The following TMCC1 variants were observed in gnomAD, a reference collection of about 807,000 sequenced individuals.
The protein encoded by TMCC1 is transmembrane and coiled-coil domain family 1.
A neutral mutation model predicts 52.4 loss-of-function variants in TMCC1; 15 were observed. The observed-to-expected ratio is 0.29, with a 90% CI of 0.19 to 0.44. TMCC1 has a LOEUF of 0.44. Ranked by LOEUF, TMCC1 falls within the 20% of genes least tolerant of loss-of-function variation. The pLI is 1.00. For missense variants in TMCC1, 503 were observed against 806.0 expected (o/e 0.62, Z 4.55); for synonymous variants, 279 against 301.9 (o/e 0.92, Z 0.79).
chr3:129,812,600 C>T (rs544562402), intron 4 of TMCC1, among the ~76,000 whole-genome samples: 61 of 151,872 alleles, frequency 4.0e-4, no homozygotes, highest in African/African-American at 1.4e-3. Flanking sequence ...TACCCGACCT[C>T]GCCCCAAAAA....
chr3:129,731,212 G>A (rs1193303301), intron 4 of TMCC1, among the ~76,000 whole-genome samples: 6 of 152,186 alleles, frequency 3.9e-5, no homozygotes, highest in Admixed American at 3.9e-4. Context: ...GCCCAGAGAA[G>A]CAAAACCACA....
intron 4 of TMCC1, among the ~76,000 whole-genome samples, chr3:129,765,136 T>C (rs1560368668): frequency 1.3e-5 from 1 of 77,666 alleles, no homozygotes; most frequent in Non-Finnish European, 4.8e-5. Flanking sequence ...TTTCAAATAC[T>C]CAAAAAAAAA....
At chr3:129,826,941 T>C (rs774229894) in intron 4 of TMCC1, among the ~76,000 whole-genome samples, 2 of 152,196 alleles carry the variant, frequency 1.3e-5, no homozygotes, top group Non-Finnish European at 1.5e-5. Flanking sequence ...TGCATATCTG[T>C]TAAAAATCAA....
chr3:129,843,402 CAAAA>C (rs1221703123), intron 2 of TMCC1, among the ~76,000 whole-genome samples: 1 of 151,448 alleles, frequency 6.6e-6, no homozygotes, highest in East Asian at 1.9e-4. Context: ...ACAAAACTGA[CAAAA>C]GAAACACAAT....
In TMCC1 at chr3:129,651,499, G is replaced by C. The variant is rs114782689; in HGVS notation, c.1944C>G (p.Phe648Leu). 201 of 1,613,886 alleles carry C rather than the reference G, an allele frequency of 1.2e-4. 3 individuals are homozygous for C. In the East Asian group the frequency reaches 4.5e-3, roughly 36 times the overall value. ...GCCAGCATCATCTAGGGGATGAAAA[G>C]AACCGTTCCACATAGCTGAAGAGGG... is the stretch of plus-strand genomic sequence containing the variant. Reference protein sequence around the residue: ...WDALFSYVERFFSSPR With the variant: ...WDALFSYVERLFSSPR The change falls in exon 7 of 7, where the codon TTC becomes TTG. Residue 648 changes from phenylalanine to leucine, a missense_variant. By Grantham distance (22) the Phe-to-Leu change is conservative. This residue lies in a region of TMCC1 where 50 missense variants were observed against 62.6 expected (regional missense o/e 0.80). Coordinates refer to ENST00000393238, the MANE Select transcript of TMCC1 (RefSeq NM_001017395.5). This position sits in a 1 kb window ranked among gnomAD's most constrained non-coding sequence, Gnocchi z 5.1.
chr3:129,818,424 TTAAAGAAA>T lies in TMCC1; in HGVS notation c.576+9371_576+9378del, dbSNP rs1176478678. ...TCTAAGAAACTTTTAAAGAAAAGTT[TTAAAGAAA>T]CTTTTAAAGAAAAGTTTTAAAGAAA... On this transcript the variant is annotated intron_variant, in intron 4 of 6. Coordinates refer to ENST00000393238, the MANE Select transcript of TMCC1 (RefSeq NM_001017395.5). 2.7e-3 allele frequency among the ~76,000 whole-genome samples: 401 copies of T among 147,336 alleles called. 6 individuals are homozygous for T. The highest frequency in any genetic ancestry group is 7.5e-3 in the African/African-American group (299 of 40,038).
chr3:129,782,302 G>T (rs1439333624), intron 4 of TMCC1, among the ~76,000 whole-genome samples: 4 of 152,182 alleles, frequency 2.6e-5, no homozygotes, highest in South Asian at 2.1e-4. Context: ...CAAAGGACAG[G>T]ATGATAATGA....
chr3:129,819,062 A>C (rs1268478009), intron 4 of TMCC1: 2 of 152,550 alleles, frequency 1.3e-5, no homozygotes, highest in East Asian at 3.9e-4. Flanking sequence ...TAGAATGTGA[A>C]AGGTTCTCAT....
At chr3:129,853,109 A>G (rs1436116930) in intron 2 of TMCC1, among the ~76,000 whole-genome samples, 1 of 152,220 alleles carries the variant, frequency 6.6e-6, no homozygotes, top group Admixed American at 6.5e-5. Context: ...TTCTTTGGTT[A>G]AAACTGGGGT....
intron 4 of TMCC1, among the ~76,000 whole-genome samples, chr3:129,673,783 A>T (rs1234543312): frequency 6.6e-6 from 1 of 152,042 alleles, no homozygotes; most frequent in Non-Finnish European, 1.5e-5. Flanking sequence ...CCTGGGAAGC[A>T]GAGGTTGCAG....
At chr3:129,719,356 A>T (rs2049377073) in intron 4 of TMCC1, among the ~76,000 whole-genome samples, 1 of 152,178 alleles carries the variant, frequency 6.6e-6, no homozygotes, top group East Asian at 1.9e-4. Flanking sequence ...CCCTTCCCAT[A>T]TGCCTTGCCT....
Position 129,893,598 on chromosome 3 carries a change from AC to A in TMCC1, c.-540del, listed in dbSNP as rs896683074. 2.8e-5 allele frequency: 4 copies of A among 141,332 alleles called. No homozygotes were observed. The highest frequency in any genetic ancestry group is 2.8e-4 in the Admixed American group (4 of 14,446). 8.8% of individuals were successfully genotyped at this position (141,332 alleles called of 1,614,324 possible). On this transcript the variant is annotated 5_prime_UTR_variant, in exon 1 of 7. Coordinates refer to ENST00000393238, the MANE Select transcript of TMCC1 (RefSeq NM_001017395.5). The stretch of plus-strand genomic sequence containing the variant: ...CGCCGCACCCGGTCCATCCCCCACA[AC>A]CACCCCCCCCTCCCGACCCTCCCCC...
chr3:129,726,898 A>AAAAAAAAAAAAAG (rs2050149290), intron 4 of TMCC1, among the ~76,000 whole-genome samples: 1 of 141,356 alleles, frequency 7.1e-6, no homozygotes, highest in Admixed American at 7.1e-5. Flanking sequence ...AAAAAAAAAA[A>AAAAAAAAAAAAAG]GAACCACTGT....
At chr3:129,802,188 A>G (rs1404982883) in intron 4 of TMCC1, among the ~76,000 whole-genome samples, 2 of 152,230 alleles carry the variant, frequency 1.3e-5, no homozygotes, top group East Asian at 1.9e-4. Context: ...CATAAACTGT[A>G]AAGTTGGGTT....
At chr3:129,716,492 A>G (rs1024108264) in intron 4 of TMCC1, among the ~76,000 whole-genome samples, 147 of 141,848 alleles carry the variant, frequency 1.0e-3, no homozygotes, top group African/African-American at 3.5e-3. Context: ...CTGCCACCAC[A>G]CCCAGCTAAT....
intron 4 of TMCC1, among the ~76,000 whole-genome samples, chr3:129,709,772 G>C (rs2048526963): frequency 1.3e-5 from 2 of 152,036 alleles, no homozygotes; most frequent in African/African-American, 4.8e-5. Context: ...TCTCAAGTGG[G>C]AGGACAAAGC....
At chr3:129,654,879 A>G in intron 6 of TMCC1, 89 bp downstream of exon 6, 3 of 1,357,046 alleles carry the variant, frequency 2.2e-6, no homozygotes, top group Non-Finnish European at 3.1e-6. Context: ...TTTGTTCTCT[A>G]CCTTCTCATC....
At chr3:129,762,789 GT>G (rs2053720680) in intron 4 of TMCC1, among the ~76,000 whole-genome samples, 1 of 151,760 alleles carries the variant, frequency 6.6e-6, no homozygotes, top group South Asian at 2.1e-4. Flanking sequence ...CTCAAAAAAA[GT>G]TTCTAAATAT....
At chr3:129,702,983 T>G (rs1404968606) in intron 4 of TMCC1, among the ~76,000 whole-genome samples, 1 of 152,150 alleles carries the variant, frequency 6.6e-6, no homozygotes, top group Non-Finnish European at 1.5e-5. Flanking sequence ...ATCGCTGCAC[T>G]CCAGCCTGAG....
Sources: allele counts gnomAD v4.1 joint callset (sites outside exome capture counted in the v4.1 genomes callset), GRCh38; gene constraint gnomAD v4.1.1; regional missense constraint gnomAD v4.1.1; non-coding constraint Gnocchi (gnomAD v3.1); transcripts MANE v1.5; gene names NCBI Gene and HGNC (gene_info 2026-07-23, HGNC 2026-07-21).